PRKN: variants seen among roughly 807,000 people sequenced by gnomAD.
PRKN encodes the protein parkin RBR E3 ubiquitin protein ligase.
In PRKN, 56 loss-of-function variants were observed where a neutral mutation model predicts 59.5. That is an observed-to-expected ratio of 0.94 (90% CI 0.76 to 1.18). The LOEUF is 1.18. Among genes scored for constraint, PRKN ranks in the 50% most tolerant of loss-of-function variants. PRKN has a pLI of 0.00. For missense variants in PRKN, 657 were observed against 596.4 expected, an observed-to-expected ratio of 1.10 and a Z score of -1.06; for synonymous variants, 250 against 222.1, an observed-to-expected ratio of 1.13 and a Z score of -1.12.
chr6:162,262,021 A>C (rs1779909616), intron 3 of PRKN, among the ~76,000 whole-genome samples: 1 of 152,196 alleles, frequency 6.6e-6, no homozygotes, highest in Non-Finnish European at 1.5e-5. Context: ...AAACACAGTA[A>C]AAATTAATTC....
chr6:162,541,523 C>G (rs1370136969), intron 1 of PRKN, among the ~76,000 whole-genome samples: 2 of 152,152 alleles, frequency 1.3e-5, no homozygotes, highest in African/African-American at 4.8e-5. Flanking sequence ...CCCAAGGTGA[C>G]TGTTAAAATG....
intron 6 of PRKN, among the ~76,000 whole-genome samples, chr6:161,957,296 A>G (rs1269270957): frequency 1.3e-5 from 2 of 152,180 alleles, no homozygotes; most frequent in Non-Finnish European, 2.9e-5. Flanking sequence ...TCAACATCAT[A>G]TGACAGAGAG....
intron 9 of PRKN, among the ~76,000 whole-genome samples, chr6:161,543,063 A>G (rs1179182041): frequency 6.6e-6 from 1 of 152,170 alleles, no homozygotes; most frequent in African/African-American, 2.4e-5. Flanking sequence ...TCCAAGGTCC[A>G]CCTATTGAAA....
At position 161,546,292 on chromosome 6, in the gene PRKN, AC is replaced by A; in HGVS notation, c.1083+2561del. Among the ~76,000 whole-genome samples, 1 of 152,328 alleles carries A rather than the reference AC, an allele frequency of 6.6e-6. No homozygotes were observed. The highest frequency in any genetic ancestry group is 3.4e-3 in the Middle Eastern group (1 of 294). On this transcript the variant is annotated intron_variant, in intron 9 of 11. Transcript: ENST00000366898. This position sits in a 1 kb window ranked among gnomAD's most constrained non-coding sequence, Gnocchi z 4.4. ...TATACCCTATTTTAGAGATAAGGAA[AC>A]CGAGAAAGATGAAAACCACAAGTAG...
At chr6:161,505,373 T>G (rs201404262) in intron 9 of PRKN, among the ~76,000 whole-genome samples, 4 of 51,270 alleles carry the variant, frequency 7.8e-5, no homozygotes, top group Non-Finnish European at 1.4e-4. Context: ...GATGGGGTTG[T>G]TTGTTTTTTT....
intron 1 of PRKN, among the ~76,000 whole-genome samples, chr6:162,599,071 G>GT (rs1781599028): frequency 6.6e-6 from 1 of 152,052 alleles, no homozygotes; most frequent in Non-Finnish European, 1.5e-5. Context: ...TCCTAAAAAT[G>GT]TAAAAATCTT....
At chr6:161,368,314 T>TATATTTATATATATTTGTATAC (rs1785297355) in intron 10 of PRKN, among the ~76,000 whole-genome samples, 1 of 145,834 alleles carries the variant, frequency 6.9e-6, no homozygotes, top group African/African-American at 2.5e-5. Flanking sequence ...TATTTGTATA[T>TATATTTATATATATTTGTATAC]ATATTTATAT....
intron 2 of PRKN, among the ~76,000 whole-genome samples, chr6:162,267,736 G>T (rs1308009868): frequency 6.6e-6 from 1 of 152,150 alleles, no homozygotes; most frequent in Admixed American, 6.5e-5. Context: ...TGAGGGATCA[G>T]TATCTTGGGC....
intron 6 of PRKN, among the ~76,000 whole-genome samples, chr6:161,861,699 C>T (rs889589457): frequency 6.6e-6 from 1 of 151,630 alleles, no homozygotes; most frequent in African/African-American, 2.4e-5. Flanking sequence ...CAAATCCTAC[C>T]AACTGTCCCT....
At chr6:162,046,202 C>G (rs73590336) in intron 5 of PRKN, among the ~76,000 whole-genome samples, 249 of 152,272 alleles carry the variant, frequency 1.6e-3, no homozygotes, top group African/African-American at 5.9e-3. Context: ...CAGCCTCGGA[C>G]TGACACGTTT....
In PRKN at chr6:161,488,273, C is replaced by T. The variant is rs1777408251; in HGVS notation, c.1083+60581G>A. On this transcript the variant is annotated intron_variant, in intron 9 of 11. Transcript: ENST00000366898. This position sits in a 1 kb window ranked among gnomAD's most constrained non-coding sequence, Gnocchi z 4.5. ...TCATTTAGAGAACACCATGAAGGGCCAGGGTACTGGAGCATTGTCAACAAG... is the reference window on the plus strand; with the variant it reads ...TCATTTAGAGAACACCATGAAGGGCTAGGGTACTGGAGCATTGTCAACAAG... Among the ~76,000 whole-genome samples the T allele has an allele frequency of 6.6e-6, 1 of 152,078 alleles. No individual in the cohort carries two copies. The highest frequency in any genetic ancestry group is 2.4e-5 in the African/African-American group (1 of 41,416).
rs888542892 is a variant in PRKN at position 161,360,282 on chromosome 6, G to A, written c.1168-77C>T. The A allele has an allele frequency of 2.8e-5, 32 of 1,162,028 alleles. No homozygotes were observed. The highest frequency in any genetic ancestry group is 4.7e-5 in the East Asian group (2 of 42,788). 72.0% of individuals were successfully genotyped at this position (1,162,028 alleles called of 1,614,324 possible). Reference sequence around the variant, plus strand: ...TCAGAGTTTATGTTCCCTGTACGTCGGTACAGGAAATTCTTGAAGACAGGA... The same window carrying A: ...TCAGAGTTTATGTTCCCTGTACGTCAGTACAGGAAATTCTTGAAGACAGGA... On this transcript the variant is annotated intron_variant, in intron 10 of 11. Coordinates refer to ENST00000366898, the MANE Select transcript of PRKN (RefSeq NM_004562.3). The surrounding 1 kb of genome is among the most constrained non-coding windows in gnomAD (Gnocchi z 5.1).
rs147285435 is a variant in PRKN, at chr6:162,688,374, G to T, written c.7+39288C>A. ...ATTCATCTAGATGGTGAGAACATGG[G>T]TGTATACATATGGAATATTATTTAA... is the stretch of plus-strand genomic sequence containing the variant. On this transcript the variant is annotated intron_variant, in intron 1 of 11. Transcript: ENST00000366898. 2.2e-4 allele frequency among the ~76,000 whole-genome samples: 34 copies of T among 152,146 alleles called. No individual in the cohort carries two copies. The East Asian group carries it at 6.6e-3, about 29-fold the overall frequency.
chr6:161,946,410 A>ACTCTCTCT (rs1554253042), intron 6 of PRKN, among the ~76,000 whole-genome samples: 2 of 95,200 alleles, frequency 2.1e-5, no homozygotes, highest in African/African-American at 7.0e-5. Context: ...ACACACACAC[A>ACTCTCTCT]CACACTCTCT....
chr6:162,605,319 A>T (rs1315800780), intron 1 of PRKN, among the ~76,000 whole-genome samples: 1 of 152,030 alleles, frequency 6.6e-6, no homozygotes, highest in East Asian at 1.9e-4. Flanking sequence ...TTACCCCAAA[A>T]CCCAAGAGAA....
intron 6 of PRKN, among the ~76,000 whole-genome samples, chr6:161,916,580 T>C (rs1778566475): frequency 6.6e-6 from 1 of 152,208 alleles, no homozygotes; most frequent in Non-Finnish European, 1.5e-5. Flanking sequence ...GTCTGGGCTC[T>C]TTTGGCATTT....
At chr6:161,720,523 G>T (rs912194529) in intron 7 of PRKN, among the ~76,000 whole-genome samples, 1 of 152,142 alleles carries the variant, frequency 6.6e-6, no homozygotes, top group African/African-American at 2.4e-5. Context: ...AGGTGGGGGG[G>T]GGCAGGTGGG....
intron 6 of PRKN, among the ~76,000 whole-genome samples, chr6:161,890,959 T>TA (rs1167836067): frequency 1.3e-5 from 2 of 152,222 alleles, no homozygotes; most frequent in African/African-American, 4.8e-5. Flanking sequence ...TGAAGTGGGC[T>TA]ACTGTGATCT....
rs1030348144 is a variant in PRKN, at chr6:161,409,937, A to G, written c.1084-23060T>C. 2.6e-5 allele frequency among the ~76,000 whole-genome samples: 4 copies of G among 152,174 alleles called. No individual in the cohort carries two copies. Among genetic ancestry groups the G allele is most frequent in the South Asian group, 2.1e-4 (1 of 4,824 alleles). Reference sequence around the variant, plus strand: ...TTTTCAGGTGAGAAGCAGAATTGGAAAATATTTCAGGGAGTATTTGAAACA... The same window carrying G: ...TTTTCAGGTGAGAAGCAGAATTGGAGAATATTTCAGGGAGTATTTGAAACA... On this transcript the variant is annotated intron_variant, in intron 9 of 11. Coordinates refer to ENST00000366898, the MANE Select transcript of PRKN (RefSeq NM_004562.3). This position sits in a 1 kb window ranked among gnomAD's most constrained non-coding sequence, Gnocchi z 4.6.
Sources: allele counts gnomAD v4.1 joint callset (sites outside exome capture counted in the v4.1 genomes callset), GRCh38; gene constraint gnomAD v4.1.1; non-coding constraint Gnocchi (gnomAD v3.1); transcripts MANE v1.5; gene names NCBI Gene and HGNC (gene_info 2026-07-23, HGNC 2026-07-21).